Variants in EIF4G3 observed in about 807,000 individuals in gnomAD.
EIF4G3 encodes eIF-4-gamma 3.
EIF4G3 carries 34 observed loss-of-function variants against 186.4 expected under a neutral mutation model. That is an observed-to-expected ratio of 0.18 (90% CI 0.14 to 0.24). The LOEUF is 0.24. Among genes scored for constraint, EIF4G3 ranks in the 10% least tolerant of loss-of-function variants. The pLI is 1.00. For missense variants in EIF4G3, 1,536 were observed against 1,948.5 expected, an observed-to-expected ratio of 0.79 and a Z score of 3.99; for synonymous variants, 673 against 679.5, an observed-to-expected ratio of 0.99 and a Z score of 0.15.
chr1:20,999,426 A>T (rs1404350988), intron 6 of EIF4G3: 1 of 319,452 alleles, frequency 3.1e-6, no homozygotes, highest in Non-Finnish European at 6.3e-6. Flanking sequence ...ATGTTTCTTT[A>T]TGACACTTTT....
At chr1:20,955,024 A>C (rs1347664522) in intron 12 of EIF4G3, among the ~76,000 whole-genome samples, 1 of 152,186 alleles carries the variant, frequency 6.6e-6, no homozygotes, top group Non-Finnish European at 1.5e-5. Context: ...TTCTAAAAGG[A>C]AGAGTATTCC....
At position 20,891,819 on chromosome 1, in the gene EIF4G3, T is replaced by C. The variant is rs1183767304; in HGVS notation, c.2253+1698A>G. On this transcript the variant is annotated intron_variant, in intron 18 of 36. Coordinates refer to ENST00000602326, the MANE Select transcript of EIF4G3 (RefSeq NM_001391906.1). ...AAAAAAAAAAGGGTATAAAATGGTT[T>C]CTAGAAAGCTGCTTTCTAAGACTTT... Among the ~76,000 whole-genome samples the C allele has an allele frequency of 7.9e-5, 12 of 151,798 alleles. 1 individual carries two copies. Among genetic ancestry groups the C allele is most frequent in the African/African-American group, 2.7e-4 (11 of 41,344 alleles).
At chr1:21,069,804 G>A (rs185111886) in intron 3 of EIF4G3, among the ~76,000 whole-genome samples, 1 of 152,244 alleles carries the variant, frequency 6.6e-6, no homozygotes, top group Admixed American at 6.5e-5. Context: ...AGCAGCATCT[G>A]GATTTCACAA....
rs71014112 is a variant in EIF4G3 at position 20,811,275 on chromosome 1, C to CTTCTTCTTA, written c.4598-392_4598-391insTAAGAAGAA. ...GGCCTTTCTTCTTCTTCTTCTTCTT[C>CTTCTTCTTA]TATTTTAGATTTTAAATAATAGAGA... On this transcript the variant is annotated intron_variant, in intron 35 of 36. Coordinates refer to ENST00000602326, the MANE Select transcript of EIF4G3 (RefSeq NM_001391906.1). Among the ~76,000 whole-genome samples the CTTCTTCTTA allele has an allele frequency of 8.5e-3, 1,292 of 151,366 alleles. 212 individuals are homozygous for CTTCTTCTTA. The highest frequency in any genetic ancestry group is 0.055 in the Middle Eastern group (16 of 290).
chr1:21,112,407 C>A (rs548459429), intron 2 of EIF4G3, among the ~76,000 whole-genome samples: 1 of 152,134 alleles, frequency 6.6e-6, no homozygotes, highest in Admixed American at 6.6e-5. Context: ...GATCACTAAG[C>A]AAAACAGTGA....
chr1:21,162,790 C>A (rs2097787870), intron 2 of EIF4G3, among the ~76,000 whole-genome samples: 1 of 152,134 alleles, frequency 6.6e-6, no homozygotes. Flanking sequence ...ATTGTCTAAG[C>A]TATGTAATGG....
chr1:20,968,929 T>A (rs956421303), intron 12 of EIF4G3, among the ~76,000 whole-genome samples: 7 of 152,150 alleles, frequency 4.6e-5, no homozygotes, highest in African/African-American at 1.7e-4. Context: ...CCCCTGTAGA[T>A]ACCAAGGGAT....
At chr1:20,885,214 T>C (rs905952475) in intron 19 of EIF4G3, among the ~76,000 whole-genome samples, 6 of 152,218 alleles carry the variant, frequency 3.9e-5, no homozygotes, top group Non-Finnish European at 8.8e-5. Context: ...TCTGAGGTTA[T>C]GTGATGGTAC....
chr1:21,045,559 T>C (rs1369041757), intron 4 of EIF4G3, among the ~76,000 whole-genome samples: 1 of 152,182 alleles, frequency 6.6e-6, no homozygotes, highest in Non-Finnish European at 1.5e-5. Context: ...GTCTTCTCAC[T>C]TAATTACTGT....
chr1:21,053,593 T>TG (rs1192543462), intron 3 of EIF4G3, among the ~76,000 whole-genome samples: 4 of 73,154 alleles, frequency 5.5e-5, no homozygotes, highest in African/African-American at 2.1e-4. Context: ...GGAGGGAGGT[T>TG]GGGGGGTCAG....
chr1:20,930,864 ATTT>A (rs138450337), intron 14 of EIF4G3, among the ~76,000 whole-genome samples: 1 of 150,092 alleles, frequency 6.7e-6, no homozygotes, highest in African/African-American at 2.4e-5. Context: ...ATGAATTACA[ATTT>A]TTTTTTTAAG....
chr1:20,858,166 A>G (rs2075482169), intron 24 of EIF4G3, among the ~76,000 whole-genome samples: 1 of 152,204 alleles, frequency 6.6e-6, no homozygotes, highest in South Asian at 2.1e-4. Flanking sequence ...AGTAAAGTAC[A>G]AAATTCGTCA....
At chr1:21,143,930 G>C (rs888926789) in intron 2 of EIF4G3, among the ~76,000 whole-genome samples, 1 of 152,030 alleles carries the variant, frequency 6.6e-6, no homozygotes, top group Non-Finnish European at 1.5e-5. Context: ...TCCAAAAAAA[G>C]AAAAAACTTA....
intron 2 of EIF4G3, among the ~76,000 whole-genome samples, chr1:21,160,107 CAAAAAA>C (rs34145998): frequency 2.5e-4 from 29 of 114,142 alleles, no homozygotes; most frequent in African/African-American, 9.9e-4. Context: ...AACTCCATCT[CAAAAAA>C]AAAAAAAAAA....
intron 14 of EIF4G3, among the ~76,000 whole-genome samples, chr1:20,933,578 C>G (rs188984794): frequency 2.6e-4 from 40 of 152,180 alleles, no homozygotes; most frequent in Middle Eastern, 3.4e-3. Context: ...TCACTTGAAC[C>G]TGGGAGGCGG....
rs186254524 is a variant in EIF4G3, at chr1:21,155,847, C to T, written c.-272+20328G>A. On this transcript the variant is annotated intron_variant, in intron 2 of 36. Coordinates refer to ENST00000602326, the MANE Select transcript of EIF4G3 (RefSeq NM_001391906.1). Reference sequence around the variant, plus strand: ...GACTTGTAAAGAAACACACAAAAAGCCGGGTGCAGTGGCTCAGGCCTGTAA... The same window carrying T: ...GACTTGTAAAGAAACACACAAAAAGTCGGGTGCAGTGGCTCAGGCCTGTAA... Among the ~76,000 whole-genome samples the T allele has an allele frequency of 3.3e-5, 5 of 152,204 alleles. No individual in the cohort carries two copies. The East Asian group carries it at 9.6e-4, about 29-fold the overall frequency.
intron 2 of EIF4G3, among the ~76,000 whole-genome samples, chr1:21,141,386 T>TGTGTGTGTGC (rs1259391125): frequency 6.7e-6 from 1 of 149,636 alleles, no homozygotes; most frequent in Non-Finnish European, 1.5e-5. Context: ...TTTGTGTGTG[T>TGTGTGTGTGC]GTGTGTGTGT....
intron 29 of EIF4G3, among the ~76,000 whole-genome samples, chr1:20,843,007 T>C (rs755128463): frequency 1.3e-5 from 2 of 152,008 alleles, no homozygotes; most frequent in Non-Finnish European, 2.9e-5. Flanking sequence ...CATGCCCGGC[T>C]AATTTAAAAA....
intron 7 of EIF4G3, among the ~76,000 whole-genome samples, chr1:20,988,937 A>G (rs2080220689): frequency 6.7e-6 from 1 of 150,288 alleles, no homozygotes; most frequent in African/African-American, 2.5e-5. Flanking sequence ...GCAGTGGTGT[A>G]CGACTGGAGT....
Sources: allele counts gnomAD v4.1 joint callset (sites outside exome capture counted in the v4.1 genomes callset), GRCh38; gene constraint gnomAD v4.1.1; transcripts MANE v1.5; gene names NCBI Gene and HGNC (gene_info 2026-07-23, HGNC 2026-07-21).